Variants in MAEL observed in about 807,000 individuals in gnomAD.
MAEL encodes protein maelstrom homolog.
Under a neutral mutation model 62.0 loss-of-function variants are expected in MAEL, and 46 were observed. The ratio of observed to expected loss-of-function variants is 0.74; its 90% confidence interval spans 0.59 to 0.95. The LOEUF is 0.95. MAEL is among the 40% of genes least tolerant of loss of function. MAEL has a pLI of 0.00. For missense variants in MAEL, 497 were observed against 526.8 expected, an observed-to-expected ratio of 0.94 and a Z score of 0.55; for synonymous variants, 172 against 175.5, an observed-to-expected ratio of 0.98 and a Z score of 0.16.
intron 8 of MAEL, among the ~76,000 whole-genome samples, chr1:167,007,646 A>G (rs7520099): frequency 0.13 from 19,978 of 150,580 alleles, 1,973 homozygotes; most frequent in Admixed American, 0.27. Context: ...AGGTCTCTCA[A>G]TCTTTTTATC....
At chr1:166,981,801 A>C (rs891706154) in intron 1 of MAEL, among the ~76,000 whole-genome samples, 3 of 152,194 alleles carry the variant, frequency 2.0e-5, no homozygotes, top group African/African-American at 7.2e-5. Context: ...TAAGGCTGGA[A>C]AGGTAGGCTG....
At chr1:167,017,749 G>T in intron 9 of MAEL, 78 bp from the exon 10 acceptor site, 3 of 1,377,984 alleles carry the variant, frequency 2.2e-6, no homozygotes, top group East Asian at 2.4e-5. Context: ...CTTTCTTTTT[G>T]TTAGAGATTT....
At position 166,992,964 on chromosome 1, in the gene MAEL, A is replaced by G. The variant is rs530694151; in HGVS notation, c.481+123A>G. On this transcript the variant is annotated intron_variant, in intron 4 of 11. Transcript: ENST00000367872. The stretch of plus-strand genomic sequence containing the variant: ...TGTACAGCTGTGTTCTTAATGTAAC[A>G]AGACTTCATAATGCTTATTGAAAAA... The G allele has an allele frequency of 1.1e-5, 9 of 794,338 alleles. No homozygotes were observed. In the East Asian group the frequency reaches 2.4e-4, roughly 21 times the overall value. 49.2% of individuals were successfully genotyped at this position (794,338 alleles called of 1,614,324 possible).
intron 5 of MAEL, among the ~76,000 whole-genome samples, chr1:166,998,317 C>T (rs564838346): frequency 6.6e-6 from 1 of 152,262 alleles, no homozygotes; most frequent in African/African-American, 2.4e-5. Context: ...ATAATTTTCT[C>T]CATTAACAAT....
intron 8 of MAEL, among the ~76,000 whole-genome samples, chr1:167,013,049 C>A (rs1356138438): frequency 6.6e-6 from 1 of 152,102 alleles, no homozygotes; most frequent in African/African-American, 2.4e-5. Context: ...AAAGATGACA[C>A]CCAGGTTTCT....
chr1:167,012,641 A>G (rs1665215472), intron 8 of MAEL: 1 of 152,232 alleles, frequency 6.6e-6, no homozygotes, highest in Admixed American at 6.5e-5. Context: ...TCAACAAGAC[A>G]CTCTGACAGA....
At chr1:166,987,827 C>T (rs1344600807), upstream of MAEL, among the ~76,000 whole-genome samples, 1 of 152,152 alleles carries the variant, frequency 6.6e-6, no homozygotes, top group African/African-American at 2.4e-5. Context: ...CTCTACCAAC[C>T]TGTCAAGGAA....
chr1:166,997,265 G>A (rs1016094254), intron 5 of MAEL, among the ~76,000 whole-genome samples: 3 of 152,192 alleles, frequency 2.0e-5, no homozygotes, highest in Non-Finnish European at 2.9e-5. Context: ...ATTTGTATTC[G>A]GTTGCATTCA....
At chr1:166,996,102 A>G (rs1664412627) in intron 5 of MAEL, among the ~76,000 whole-genome samples, 3 of 152,234 alleles carry the variant, frequency 2.0e-5, no homozygotes, top group South Asian at 2.1e-4. Flanking sequence ...AAATGTGCCA[A>G]TTAAATAAGA....
In MAEL at chr1:166,982,529, G is replaced by A. The variant is rs554066578; in HGVS notation, c.-121+6863G>A. 7.2e-5 allele frequency among the ~76,000 whole-genome samples: 11 copies of A among 152,162 alleles called. No homozygotes were observed. In the East Asian group the frequency reaches 1.2e-3, roughly 16 times the overall value. On this transcript the variant is annotated intron_variant, in intron 1 of 12. Coordinates refer to the MAEL transcript ENST00000622874. The stretch of plus-strand genomic sequence containing the variant: ...TATTAGCACAGGAGGGAAGATGCAC[G>A]CTGAATAATGTTGGCCTTCACTTAA...
intron 1 of MAEL, 87 bp from the exon 2 acceptor site, chr1:166,989,650 C>G: frequency 6.8e-7 from 1 of 1,470,654 alleles, no homozygotes; most frequent in Non-Finnish European, 9.3e-7. Context: ...AACCACCTCC[C>G]TGTAATGCCC....
chr1:166,982,799 CCTCA>C lies in MAEL; in HGVS notation c.-120-6595_-120-6592del, dbSNP rs796159165. On this transcript the variant is annotated intron_variant, in intron 1 of 12. Coordinates refer to the MAEL transcript ENST00000622874. The stretch of plus-strand genomic sequence containing the variant: ...TCTCTAATATTCTCTCTACTTTCCC[CCTCA>C]CTCACTTTACTCCAGCCATGTGACT... Among the ~76,000 whole-genome samples, 3 of 152,302 alleles carry C rather than the reference CCTCA, an allele frequency of 2.0e-5. No homozygotes were observed. In the East Asian group the frequency reaches 5.8e-4, roughly 29 times the overall value.
intron 8 of MAEL, among the ~76,000 whole-genome samples, chr1:167,014,158 CT>C (rs1665284057): frequency 6.6e-6 from 1 of 152,134 alleles, no homozygotes; most frequent in Non-Finnish European, 1.5e-5. Flanking sequence ...CCTCTTCCTG[CT>C]TTTTTCCTTT....
At chr1:166,986,308 C>T (rs1459304730), upstream of MAEL, among the ~76,000 whole-genome samples, 1 of 152,088 alleles carries the variant, frequency 6.6e-6, no homozygotes, top group African/African-American at 2.4e-5. Context: ...AAATTATACA[C>T]TTTAGATATA....
At chr1:166,993,140 G>A (rs947474104) in intron 4 of MAEL, among the ~76,000 whole-genome samples, 12 of 152,122 alleles carry the variant, frequency 7.9e-5, no homozygotes, top group South Asian at 2.1e-4. Flanking sequence ...TCTAAAAGCC[G>A]TGTATGCCAT....
intron 8 of MAEL, among the ~76,000 whole-genome samples, chr1:167,015,328 A>G (rs958406162): frequency 3.3e-5 from 5 of 152,206 alleles, no homozygotes; most frequent in African/African-American, 4.8e-5. Flanking sequence ...TTTCTTTGGA[A>G]AAACAGTGGG....
chr1:167,017,561 T>A (rs1434012882), intron 9 of MAEL, among the ~76,000 whole-genome samples: 3 of 152,194 alleles, frequency 2.0e-5, no homozygotes, highest in Non-Finnish European at 4.4e-5. Context: ...CATTTGGGAA[T>A]CCTGGTAATC....
At chr1:167,005,023 G>T (rs1365138243) in intron 6 of MAEL, 53 bp from the exon 7 acceptor site, 1 of 1,548,066 alleles carries the variant, frequency 6.5e-7, no homozygotes, top group Non-Finnish European at 8.8e-7. Flanking sequence ...TTCAAAGTAG[G>T]AGAAGATACA....
Position 166,989,358 on chromosome 1 carries a change from G to T in MAEL, c.6G>T (p.Pro2=), listed in dbSNP as rs1557971203. 6.2e-7 allele frequency: 1 copy of T among 1,609,680 alleles called. No homozygotes were observed. Among genetic ancestry groups the T allele is most frequent in the South Asian group, 1.1e-5 (1 of 89,974 alleles). The change falls in exon 1 of 12, where the codon CCG becomes CCT. Residue 2 remains proline, a synonymous_variant. Coordinates refer to ENST00000367872, the MANE Select transcript of MAEL (RefSeq NM_032858.3). The part of the protein sequence containing the change: M[P]NRKASRNAYY... ...GGAAGTTTGACCGCGCTGCCATGCC[G>T]AACCGTAAGGCCAGCCGGAATGCTT...
Sources: allele counts gnomAD v4.1 joint callset (sites outside exome capture counted in the v4.1 genomes callset), GRCh38; gene constraint gnomAD v4.1.1; transcripts MANE v1.5; gene names NCBI Gene and HGNC (gene_info 2026-07-23, HGNC 2026-07-21).